MAPK4: variants seen among roughly 807,000 people sequenced by gnomAD.
The protein encoded by MAPK4 is Erk3-related.
Under a neutral mutation model 47.7 loss-of-function variants are expected in MAPK4, and 22 were observed. The ratio of observed to expected loss-of-function variants is 0.46; its 90% CI spans 0.33 to 0.66. The LOEUF (loss-of-function observed/expected upper bound fraction) is 0.66, where lower values mean the gene tolerates loss of function less well. Among genes scored for constraint, MAPK4 ranks in the 30% least tolerant of loss-of-function variants. The pLI, the probability that MAPK4 is intolerant of heterozygous loss-of-function variation, is 0.02. For missense variants in MAPK4, 736 were observed against 831.7 expected (o/e 0.88, Z 1.42); for synonymous variants, 390 against 365.7 (o/e 1.07, Z -0.76).
chr18:50,682,338 G>T (rs951477349), intron 2 of MAPK4, among the ~76,000 whole-genome samples: 1 of 152,052 alleles, frequency 6.6e-6, no homozygotes, highest in Non-Finnish European at 1.5e-5. Context: ...TACCCTCCAG[G>T]CCCAAATAGC....
At chr18:50,701,814 C>A (rs1372032998) in intron 2 of MAPK4, among the ~76,000 whole-genome samples, 1 of 152,134 alleles carries the variant, frequency 6.6e-6, no homozygotes, top group East Asian at 1.9e-4. Flanking sequence ...AATTATTTCC[C>A]AAATTTGATA....
chr18:50,684,670 C>T (rs566395041), intron 2 of MAPK4, among the ~76,000 whole-genome samples: 1 of 152,242 alleles, frequency 6.6e-6, no homozygotes, highest in African/African-American at 2.4e-5. Context: ...CATTCATTAA[C>T]TACAGCAGCT....
chr18:50,632,835 G>C (rs540439369), intron 1 of MAPK4, among the ~76,000 whole-genome samples: 2 of 152,188 alleles, frequency 1.3e-5, no homozygotes, highest in African/African-American at 4.8e-5. Flanking sequence ...GGCCAGGCTG[G>C]TCTCAAACTC....
chr18:50,623,637 C>T (rs1353564091), intron 1 of MAPK4, among the ~76,000 whole-genome samples: 1 of 152,174 alleles, frequency 6.6e-6, no homozygotes, highest in African/African-American at 2.4e-5. Flanking sequence ...CTCCCTGTTC[C>T]AATTATTGTG....
At chr18:50,645,803 C>T (rs2042983667) in intron 1 of MAPK4, among the ~76,000 whole-genome samples, 1 of 152,108 alleles carries the variant, frequency 6.6e-6, no homozygotes, top group African/African-American at 2.4e-5. Flanking sequence ...GGTTTGGGGC[C>T]CAGTTCTGCC....
rs1183661818 is a variant in MAPK4 at position 50,638,493 on chromosome 18, T to C, written c.-870-24596T>C. On this transcript the variant is annotated intron_variant, in intron 1 of 5. Coordinates refer to ENST00000400384, the MANE Select transcript of MAPK4 (RefSeq NM_002747.4). ...GCATCCTGGAGTTGCCAAGAGCCGC[T>C]GCACCCTGAAGGTTTCCGTATTTAC... 3.9e-5 allele frequency among the ~76,000 whole-genome samples: 6 copies of C among 152,314 alleles called. No homozygotes were observed. In the East Asian group the frequency reaches 1.2e-3, roughly 29 times the overall value.
At chr18:50,703,356 G>C (rs1009362194) in intron 2 of MAPK4, among the ~76,000 whole-genome samples, 45 of 152,190 alleles carry the variant, frequency 3.0e-4, no homozygotes, top group African/African-American at 1.1e-3. Context: ...CAAGGGGCCA[G>C]AGCCTCTGTG....
chr18:50,673,809 T>C (rs185865068), intron 2 of MAPK4, among the ~76,000 whole-genome samples: 108 of 152,302 alleles, frequency 7.1e-4, no homozygotes, highest in African/African-American at 2.5e-3. Flanking sequence ...TGAGCCGAGA[T>C]TGTGCCACTG....
At chr18:50,707,924 G>C (rs1260363635) in intron 2 of MAPK4, among the ~76,000 whole-genome samples, 3 of 152,184 alleles carry the variant, frequency 2.0e-5, no homozygotes, top group Non-Finnish European at 4.4e-5. Context: ...CCTGAAAGGG[G>C]ATCAGCAGAT....
intron 1 of MAPK4, among the ~76,000 whole-genome samples, chr18:50,564,960 G>C (rs916011030): frequency 6.6e-6 from 1 of 152,202 alleles, no homozygotes; most frequent in Non-Finnish European, 1.5e-5. Flanking sequence ...ACCCCTCCCA[G>C]GCCTTGGAAG....
chr18:50,693,254 A>C (rs1007783799), intron 2 of MAPK4, among the ~76,000 whole-genome samples: 3 of 152,008 alleles, frequency 2.0e-5, no homozygotes, highest in Non-Finnish European at 4.4e-5. Context: ...GAGAGACTCT[A>C]TCTCAAAAAA....
intron 1 of MAPK4, among the ~76,000 whole-genome samples, chr18:50,656,890 G>C (rs1359001096): frequency 6.6e-6 from 1 of 152,116 alleles, no homozygotes; most frequent in East Asian, 1.9e-4. Flanking sequence ...GATCATCTCA[G>C]CCTCAAGTAA....
At chr18:50,666,119 A>G (rs1193846980) in intron 2 of MAPK4, among the ~76,000 whole-genome samples, 1 of 152,244 alleles carries the variant, frequency 6.6e-6, no homozygotes, top group Non-Finnish European at 1.5e-5. Flanking sequence ...AAAGAACCTG[A>G]TTAAGTGAGC....
chr18:50,729,660 G>A lies in MAPK4; in HGVS notation c.1570G>A (p.Gly524Ser), dbSNP rs758675898. 9.2e-6 allele frequency: 14 copies of A among 1,520,408 alleles called. No individual in the cohort carries two copies. In the African/African-American group the frequency reaches 1.1e-4, roughly 12 times the overall value. 94.2% of individuals were successfully genotyped at this position (1,520,408 alleles called of 1,614,324 possible). A position where few individuals can be genotyped will look rare whatever the true frequency, so the allele number is the denominator to read the frequency against. Residue 524 changes from glycine (G) to serine (S), a missense_variant, in exon 6 of 6, where the codon GGC (glycine) becomes AGC (serine). Around this residue, in one of 3 missense-constraint regions of MAPK4, gnomAD observed 377 missense variants for 378.6 expected, o/e 1.00. Coordinates refer to ENST00000400384, the MANE Select transcript of MAPK4 (RefSeq NM_002747.4). Reference protein sequence around the residue: ...PERRLSASPPGRPAPVDGGAS... With the variant: ...PERRLSASPPSRPAPVDGGAS... Reference sequence around the variant, plus strand: ...GCGCCGCTTGTCTGCCTCGCCCCCCGGCCGCCCGGCCCCGGTGGACGGCGG... The same window carrying A: ...GCGCCGCTTGTCTGCCTCGCCCCCCAGCCGCCCGGCCCCGGTGGACGGCGG...
At chr18:50,659,388 C>G (rs1305177760) in intron 1 of MAPK4, among the ~76,000 whole-genome samples, 1 of 152,206 alleles carries the variant, frequency 6.6e-6, no homozygotes, top group Non-Finnish European at 1.5e-5. Flanking sequence ...GAAATGTCAG[C>G]ACCTTGCTGG....
At chr18:50,571,061 G>C (rs1336225682) in intron 1 of MAPK4, among the ~76,000 whole-genome samples, 1 of 152,184 alleles carries the variant, frequency 6.6e-6, no homozygotes, top group Non-Finnish European at 1.5e-5. Context: ...CCCTTCAGGT[G>C]TGTAATCATT....
intron 1 of MAPK4, among the ~76,000 whole-genome samples, chr18:50,648,611 C>T (rs1233992384): frequency 1.3e-5 from 2 of 152,070 alleles, no homozygotes; most frequent in East Asian, 1.9e-4. Context: ...CTCTCTGCTG[C>T]AGGAAAGCAA....
intron 1 of MAPK4, among the ~76,000 whole-genome samples, chr18:50,630,352 C>A (rs549810802): frequency 6.6e-6 from 1 of 152,294 alleles, no homozygotes; most frequent in African/African-American, 2.4e-5. Context: ...CCACGCCCAG[C>A]AAATTTTTGT....
At chr18:50,704,526 C>T (rs7227230) in intron 2 of MAPK4, 216,443 of 398,172 alleles carry the variant, frequency 0.54, 59,137 homozygotes, top group Middle Eastern at 0.58. Context: ...CTTATTTCTC[C>T]TAGTCTACTG....
Sources: allele counts gnomAD v4.1 joint callset (sites outside exome capture counted in the v4.1 genomes callset), GRCh38; gene constraint gnomAD v4.1.1; regional missense constraint gnomAD v4.1.1; transcripts MANE v1.5; gene names NCBI Gene and HGNC (gene_info 2026-07-23, HGNC 2026-07-21).